The following ZNF845 variants were observed in gnomAD, a reference collection of about 807,000 sequenced individuals.
ZNF845 encodes zinc finger protein 845.
In ZNF845, 59 loss-of-function variants were observed where a neutral mutation model predicts 76.1. The ratio of observed to expected loss-of-function variants is 0.78; its 90% CI spans 0.63 to 0.96. The LOEUF (loss-of-function observed/expected upper bound fraction) is 0.96. Ranked by LOEUF, ZNF845 falls within the 40% of genes least tolerant of loss-of-function variation. ZNF845 has a pLI of 0.00. For synonymous variants in ZNF845, 361 were observed against 386.9 expected (o/e 0.93, Z 0.78); for missense variants, 1,045 against 1,172.8 (o/e 0.89, Z 1.59).
At position 53,351,090 on chromosome 19, in the gene ZNF845, C is replaced by G; in HGVS notation, c.415C>G (p.Gln139Glu). Reference sequence around the variant, plus strand: ...TGCTGGAAACAAGCCTATTAAAGATCAGCTTGGATCAAGCTTTCATTCGCA... The same window carrying G: ...TGCTGGAAACAAGCCTATTAAAGATGAGCTTGGATCAAGCTTTCATTCGCA... The part of the protein sequence containing the change: ...RHAGNKPIKD[Q>E]LGSSFHSHLP... Residue 139 changes from glutamine to glutamate, a missense_variant, in exon 4 of 4, where the codon CAG (glutamine) becomes GAG (glutamate). Physicochemically the swap from Gln to Glu is conservative, Grantham distance 29 (BLOSUM62 2). Coordinates refer to ENST00000458035, the MANE Select transcript of ZNF845 (RefSeq NM_138374.3). 6.2e-7 allele frequency: 1 copy of G among 1,614,186 alleles called. No homozygotes were observed. The highest frequency in any genetic ancestry group is 1.1e-5 in the South Asian group (1 of 91,086).
intron 3 of ZNF845, among the ~76,000 whole-genome samples, chr19:53,348,847 A>ATTTTTTTTTTT (rs565694028): frequency 4.1e-5 from 4 of 96,602 alleles, no homozygotes; most frequent in African/African-American, 8.6e-5. Context: ...TTGTTAGTCA[A>ATTTTTTTTTTT]TTTTTTTTTT....
intron 1 of ZNF845, among the ~76,000 whole-genome samples, chr19:53,334,273 CT>C (rs914088371): frequency 2.0e-5 from 3 of 152,160 alleles, no homozygotes; most frequent in Admixed American, 2.0e-4. Flanking sequence ...GTGTTCTTGC[CT>C]GCCCTGCACC....
At chr19:53,347,079 C>T (rs955003322) in intron 3 of ZNF845, among the ~76,000 whole-genome samples, 1 of 151,900 alleles carries the variant, frequency 6.6e-6, no homozygotes, top group Admixed American at 6.6e-5. Context: ...GACAGGGTTT[C>T]TCCTTGTTGG....
chr19:53,341,275 C>A lies in ZNF845; in HGVS notation c.-33C>A, dbSNP rs370384044. 2 of 1,613,486 alleles carry A rather than the reference C, an allele frequency of 1.2e-6. No individual in the cohort carries two copies. The highest frequency in any genetic ancestry group is 1.3e-5 in the African/African-American group (1 of 74,966). ...ACTCTTGGTACGTGAGGAAGAAACC[C>A]GGAAGAGGAAGAGGAAAGCAAAGGA... On this transcript the variant is annotated 5_prime_UTR_variant, in exon 2 of 4. Coordinates refer to ENST00000458035, the MANE Select transcript of ZNF845 (RefSeq NM_138374.3).
chr19:53,343,779 T>C (rs1479106801), intron 2 of ZNF845, among the ~76,000 whole-genome samples: 1 of 152,188 alleles, frequency 6.6e-6, no homozygotes, highest in Non-Finnish European at 1.5e-5. Flanking sequence ...GACATATGTA[T>C]ATATAAAATG....
chr19:53,337,039 T>C (rs1232272451), intron 1 of ZNF845: 1 of 452,440 alleles, frequency 2.2e-6, no homozygotes, highest in Non-Finnish European at 4.4e-6. Flanking sequence ...AAAGCCCAAC[T>C]CCTCACTGTG....
Position 53,353,466 on chromosome 19 carries a change from G to C in ZNF845, c.2791G>C (p.Val931Leu). The C allele has an allele frequency of 6.2e-7, 1 of 1,613,254 alleles. No individual in the cohort carries two copies. Among genetic ancestry groups the C allele is most frequent in the Non-Finnish European group, 8.5e-7 (1 of 1,179,746 alleles). ...AACCTTCCGTCACAATTCAGTCCTT[G>C]TAATTCATAAGACAATTCATACTGG... Reference protein sequence around the residue: ...GKTFRHNSVLVIHKTIHTGEK... With the variant: ...GKTFRHNSVLLIHKTIHTGEK... Residue 931 changes from valine (V) to leucine (L), a missense_variant, in exon 4 of 4, where the codon GTA becomes CTA. By Grantham distance (32) the Val-to-Leu change is conservative (BLOSUM62 1). Transcript: ENST00000458035.
chr19:53,351,445 A>T lies in ZNF845; in HGVS notation c.770A>T (p.Tyr257Phe). Residue 257 changes from tyrosine (Y) to phenylalanine (F), a missense_variant, in exon 4 of 4, where the codon TAT becomes TTT. Tyr to Phe is a conservative substitution (Grantham distance 22). Coordinates refer to ENST00000458035, the MANE Select transcript of ZNF845 (RefSeq NM_138374.3). ...GGCAAGGTCTTTAATCAAAAGCGAT[A>T]TCTTGCATGTCATCGTAGATGTCAC... ...VCGKVFNQKRYLACHRRCHTG... is the reference protein window; with the variant it reads ...VCGKVFNQKRFLACHRRCHTG... 6.2e-7 allele frequency: 1 copy of T among 1,614,226 alleles called. No homozygotes were observed. The highest frequency in any genetic ancestry group is 8.5e-7 in the Non-Finnish European group (1 of 1,180,038).
At chr19:53,336,403 G>A (rs1474996244) in intron 1 of ZNF845, among the ~76,000 whole-genome samples, 5 of 151,696 alleles carry the variant, frequency 3.3e-5, no homozygotes, top group African/African-American at 9.7e-5. Flanking sequence ...CCAGCTGCTC[G>A]GGAGCCTGAG....
intron 2 of ZNF845, among the ~76,000 whole-genome samples, chr19:53,343,394 G>A (rs114814889): frequency 3.7e-3 from 565 of 152,220 alleles, no homozygotes; most frequent in African/African-American, 0.013. Context: ...GCACACCTGC[G>A]TTACTACAGA....
chr19:53,343,894 C>G (rs1473374977), intron 2 of ZNF845, among the ~76,000 whole-genome samples: 3 of 152,000 alleles, frequency 2.0e-5, no homozygotes, highest in African/African-American at 7.2e-5. Context: ...GATCTTAGCT[C>G]ACTGCAACCT....
At position 53,353,251 on chromosome 19, in the gene ZNF845, A is replaced by G. The variant is rs2085357548; in HGVS notation, c.2576A>G (p.Tyr859Cys). ...GCAATTCATACTGGAGAAAAACCTT[A>G]CAAGTGTAGTGAATGTGGCAAGGTT... Reference protein sequence around the residue: ...HKAIHTGEKPYKCSECGKVFN... With the variant: ...HKAIHTGEKPCKCSECGKVFN... Residue 859 changes from tyrosine (Y) to cysteine (C), a missense_variant, in exon 4 of 4, where the codon TAC becomes TGC. Coordinates refer to ENST00000458035, the MANE Select transcript of ZNF845 (RefSeq NM_138374.3). The G allele has an allele frequency of 6.2e-7, 1 of 1,614,004 alleles. No individual in the cohort carries two copies. The highest frequency in any genetic ancestry group is 1.3e-5 in the African/African-American group (1 of 75,060).
intron 3 of ZNF845, among the ~76,000 whole-genome samples, chr19:53,348,915 G>A (rs1454567791): frequency 7.5e-6 from 1 of 132,472 alleles, no homozygotes; most frequent in Non-Finnish European, 1.5e-5. Context: ...GGAGTGCAGT[G>A]ATGCGATCTC....
chr19:53,337,251 C>T (rs2085222042), intron 1 of ZNF845: 1 of 441,286 alleles, frequency 2.3e-6, no homozygotes, highest in African/African-American at 2.0e-5. Flanking sequence ...TCTTCTCCTT[C>T]AGGTCTAGGC....
rs758887758 is a variant in ZNF845 at position 53,350,833 on chromosome 19, G to A, written c.158G>A (p.Cys53Tyr). ...NLVSLDISSK[C>Y]MMKEFSSTAQ... is the part of the protein sequence containing the mutation. ...TATTTTCTAGATATCTCTTCCAAAT[G>A]CATGATGAAGGAGTTCTCATCAACA... The change falls in exon 4 of 4, where the codon TGC (cysteine) becomes TAC (tyrosine). Residue 53 changes from cysteine to tyrosine, a missense_variant. Transcript: ENST00000458035. The A allele has an allele frequency of 1.2e-6, 2 of 1,613,432 alleles. No homozygotes were observed. The highest frequency in any genetic ancestry group is 1.1e-5 in the South Asian group (1 of 90,906).
At chr19:53,337,072 G>A (rs1007447158) in intron 1 of ZNF845, 22 of 456,324 alleles carry the variant, frequency 4.8e-5, no homozygotes, top group African/African-American at 4.4e-4. Context: ...TGTGTCCAGG[G>A]CCCCTGCCAG....
At chr19:53,340,186 C>T (rs1171810940) in intron 1 of ZNF845, among the ~76,000 whole-genome samples, 4 of 152,260 alleles carry the variant, frequency 2.6e-5, no homozygotes, top group East Asian at 3.9e-4. Flanking sequence ...TGAGCAGTGG[C>T]GATTACAGGC....
In ZNF845 at chr19:53,353,358, G is replaced by A. The variant is rs1342021332; in HGVS notation, c.2683G>A (p.Val895Ile). The change falls in exon 4 of 4, where the codon GTT (valine) becomes ATT (isoleucine). Residue 895 changes from valine (V) to isoleucine (I), a missense_variant. Physicochemically the swap from Val to Ile is conservative, Grantham distance 29. Coordinates refer to ENST00000458035, the MANE Select transcript of ZNF845 (RefSeq NM_138374.3). The stretch of plus-strand genomic sequence containing the variant: ...TTACAAGTGTAATAAATGTGGTAAG[G>A]TTTTTAATCAACAAGCACACCTTGC... ...KPYKCNKCGKVFNQQAHLACH... is the reference protein window; with the variant it reads ...KPYKCNKCGKIFNQQAHLACH... The A allele has an allele frequency of 9.9e-6, 16 of 1,612,518 alleles. No homozygotes were observed. The highest frequency in any genetic ancestry group is 1.4e-5 in the Non-Finnish European group (16 of 1,179,636).
In ZNF845 at chr19:53,352,724, A is replaced by G. The variant is rs767700475; in HGVS notation, c.2049A>G (p.Arg683=). 4.3e-6 allele frequency: 7 copies of G among 1,614,028 alleles called. No homozygotes were observed. The Admixed American group carries it at 1.0e-4, about 23-fold the overall frequency. The part of the protein sequence containing the change: ...SRKSYLTCHR[R]LHTGEKPYKC... ...AGTCATACCTTACATGCCATCGTAG[A>G]CTTCATACTGGAGAGAAACCTTACA... The change falls in exon 4 of 4, where the codon AGA becomes AGG. Residue 683 remains arginine (R), a synonymous_variant. Transcript: ENST00000458035.
Sources: gnomAD v4.1 joint callset for allele counts (sites outside exome capture counted in the v4.1 genomes callset) on GRCh38, gnomAD v4.1.1 for gene constraint, MANE v1.5 for transcripts, NCBI Gene and HGNC (gene_info 2026-07-23, HGNC 2026-07-21) for gene names.